Variants in HTR2C observed in about 807,000 individuals in gnomAD.
The protein encoded by HTR2C is 5-hydroxytryptamine (serotonin) receptor 2C, G protein-coupled.
Under a neutral mutation model 21.0 loss-of-function variants are expected in HTR2C, and 5 were observed. The observed-to-expected ratio is 0.24, with a 90% CI of 0.12 to 0.50. HTR2C has a LOEUF of 0.50. HTR2C is among the 20% of genes least tolerant of loss of function. The pLI is 0.98. For missense variants in HTR2C, 271 were observed against 371.2 expected, an observed-to-expected ratio of 0.73 and a Z score of 2.22; for synonymous variants, 150 against 145.3, an observed-to-expected ratio of 1.03 and a Z score of -0.23.
At chrX:114,606,679 G>T (rs1222667824) in intron 1 of HTR2C, among the ~76,000 whole-genome samples, 2 of 111,905 alleles carry the variant, frequency 1.8e-5, no homozygotes, top group African/African-American at 6.5e-5. Context: ...TCCTTGGGCT[G>T]GTCGGTCTGA....
At chrX:114,599,418 C>T (rs1425068468) in intron 1 of HTR2C, among the ~76,000 whole-genome samples, 1 of 111,896 alleles carries the variant, frequency 8.9e-6, no homozygotes, top group African/African-American at 3.2e-5. Flanking sequence ...AGACTGGATG[C>T]TTCCTTTCTA....
intron 2 of HTR2C, among the ~76,000 whole-genome samples, chrX:114,704,219 A>G (rs1375756250): frequency 4.8e-4 from 54 of 111,853 alleles, no homozygotes; most frequent in African/African-American, 1.4e-3. Flanking sequence ...TGACGCCAGC[A>G]TCATCCTGAT....
chrX:114,799,603 A>G (rs889512606), intron 4 of HTR2C, among the ~76,000 whole-genome samples: 12 of 111,291 alleles, frequency 1.1e-4, no homozygotes, highest in African/African-American at 3.6e-4. Flanking sequence ...AATATATACT[A>G]TAAATAATTC....
rs137953347 is a variant in HTR2C at position 114,657,519 on chromosome X, C to T, written c.-80+43638C>T. On this transcript the variant is annotated intron_variant, in intron 2 of 5. Transcript: ENST00000276198. ...TATCACCTGCGTGTAATATGGAAAA[C>T]ATTTAGTGTTATTAAGAAGTAACCG... Among the ~76,000 whole-genome samples, 18 of 110,581 alleles carry T rather than the reference C, an allele frequency of 1.6e-4. No individual in the cohort carries two copies. The East Asian group carries it at 5.1e-3, about 31-fold the overall frequency.
chrX:114,639,828 T>C (rs1306217841), intron 2 of HTR2C, among the ~76,000 whole-genome samples: 1 of 111,611 alleles, frequency 9.0e-6, no homozygotes, highest in African/African-American at 3.3e-5. Context: ...TTTAACCTTG[T>C]GTAATGCTGC....
At chrX:114,642,793 A>G (rs1174221756) in intron 2 of HTR2C, among the ~76,000 whole-genome samples, 1 of 90,197 alleles carries the variant, frequency 1.1e-5, no homozygotes, top group East Asian at 3.9e-4. Context: ...GTAATTTTTT[A>G]TAGAAATTAG....
intron 4 of HTR2C, among the ~76,000 whole-genome samples, chrX:114,841,507 C>T (rs192091512): frequency 9.0e-6 from 1 of 111,624 alleles, no homozygotes; most frequent in African/African-American, 3.3e-5. Context: ...TTTGGGAAGC[C>T]GAGGCAGGCC....
At chrX:114,732,455 C>A (rs899450182) in intron 4 of HTR2C, among the ~76,000 whole-genome samples, 1 of 109,652 alleles carries the variant, frequency 9.1e-6, no homozygotes, top group African/African-American at 3.3e-5. Context: ...TGGAATTAGA[C>A]TAGAAGAAAT....
At chrX:114,607,002 G>T (rs1556397184) in intron 1 of HTR2C, among the ~76,000 whole-genome samples, 1 of 107,699 alleles carries the variant, frequency 9.3e-6, no homozygotes, top group African/African-American at 3.5e-5. Flanking sequence ...GGGTCGCAAG[G>T]TGCTCAGTGG....
intron 4 of HTR2C, among the ~76,000 whole-genome samples, chrX:114,738,100 T>A (rs1301698753): frequency 8.9e-6 from 1 of 111,804 alleles, no homozygotes; most frequent in Non-Finnish European, 1.9e-5. Flanking sequence ...AGTAGAACAG[T>A]GTCTTCCAGA....
At chrX:114,840,985 A>G (rs1361652039) in intron 4 of HTR2C, among the ~76,000 whole-genome samples, 3 of 111,745 alleles carry the variant, frequency 2.7e-5, no homozygotes, top group African/African-American at 9.8e-5. Flanking sequence ...ATTATTATCA[A>G]GAATGAAGCA....
chrX:114,891,124 A>G (rs1477228262), intron 5 of HTR2C, among the ~76,000 whole-genome samples: 1 of 111,300 alleles, frequency 9.0e-6, no homozygotes, highest in Non-Finnish European at 1.9e-5. Flanking sequence ...TACGAACATT[A>G]TAATTTTCAC....
intron 2 of HTR2C, among the ~76,000 whole-genome samples, chrX:114,616,961 G>A (rs1203654833): frequency 8.9e-6 from 1 of 112,117 alleles, no homozygotes; most frequent in Non-Finnish European, 1.9e-5. Flanking sequence ...ATTTATAATC[G>A]TCACTCTCTT....
At chrX:114,634,479 G>T (rs1929764333) in intron 2 of HTR2C, among the ~76,000 whole-genome samples, 1 of 111,744 alleles carries the variant, frequency 8.9e-6, no homozygotes, top group Admixed American at 9.6e-5. Context: ...TGATTTTTCA[G>T]TGATTATTAC....
At chrX:114,772,585 G>A (rs981270974) in intron 4 of HTR2C, among the ~76,000 whole-genome samples, 3 of 110,655 alleles carry the variant, frequency 2.7e-5, no homozygotes, top group Non-Finnish European at 5.7e-5. Context: ...ACTTGTACAT[G>A]TTTATGGGAT....
At chrX:114,831,095 C>T (rs1339874118) in intron 4 of HTR2C, among the ~76,000 whole-genome samples, 5 of 83,796 alleles carry the variant, frequency 6.0e-5, no homozygotes, top group Non-Finnish European at 1.2e-4. Context: ...TCCAGTCTAT[C>T]ATTGTTGGAC....
chrX:114,849,921 A>G (rs1336894636), intron 5 of HTR2C, among the ~76,000 whole-genome samples: 2 of 112,114 alleles, frequency 1.8e-5, no homozygotes, highest in Non-Finnish European at 3.8e-5. Flanking sequence ...GGTATGGGAC[A>G]ATAAGAGATA....
intron 4 of HTR2C, among the ~76,000 whole-genome samples, chrX:114,841,902 T>C (rs1442650624): frequency 2.7e-5 from 3 of 112,141 alleles, no homozygotes; most frequent in Non-Finnish European, 5.6e-5. Flanking sequence ...CTTATTAATC[T>C]TTACTTCTAG....
At chrX:114,775,782 TA>T in intron 4 of HTR2C, 1 of 440,395 alleles carries the variant, frequency 2.3e-6, no homozygotes, top group Non-Finnish European at 4.0e-6. Context: ...ATAGAGACAA[TA>T]TCATGAATCT....
Sources: gnomAD v4.1 joint callset for allele counts (sites outside exome capture counted in the v4.1 genomes callset) on GRCh38, gnomAD v4.1.1 for gene constraint, MANE v1.5 for transcripts, NCBI Gene and HGNC (gene_info 2026-07-23, HGNC 2026-07-21) for gene names.